The following SUPT3H variants were observed in gnomAD, a reference collection of about 807,000 sequenced individuals.
SUPT3H encodes transcription initiation protein SPT3 homolog.
SUPT3H carries 44 observed loss-of-function variants against 44.3 expected under a neutral mutation model. The observed-to-expected ratio is 0.99, with a 90% CI of 0.78 to 1.28. The LOEUF (loss-of-function observed/expected upper bound fraction) is 1.28, where lower values mean the gene tolerates loss of function less well. SUPT3H is among the 50% of genes most tolerant of loss of function. The pLI, the probability that SUPT3H is intolerant of heterozygous loss-of-function variation, is 0.00. For synonymous variants in SUPT3H, 124 were observed against 125.6 expected (o/e 0.99, Z 0.09); for missense variants, 380 against 387.1 (o/e 0.98, Z 0.15).
intron 2 of SUPT3H, among the ~76,000 whole-genome samples, chr6:45,358,870 G>A (rs1036090373): frequency 1.3e-5 from 2 of 152,056 alleles, no homozygotes; most frequent in Non-Finnish European, 2.9e-5. Flanking sequence ...TTACAGCATG[G>A]ATCTACCATC....
At chr6:44,992,849 A>G (rs1780777425) in intron 6 of SUPT3H, among the ~76,000 whole-genome samples, 1 of 152,152 alleles carries the variant, frequency 6.6e-6, no homozygotes. Context: ...GAGATTATAT[A>G]TCCAGAAATG....
intron 2 of SUPT3H, among the ~76,000 whole-genome samples, chr6:45,154,547 G>A (rs1031718522): frequency 4.6e-5 from 7 of 152,148 alleles, no homozygotes; most frequent in Non-Finnish European, 1.0e-4. Context: ...AGCTTCTAGA[G>A]ATTACCTGAG....
chr6:45,006,864 TTAGAGA>T (rs1349025656), intron 5 of SUPT3H, among the ~76,000 whole-genome samples: 2 of 152,130 alleles, frequency 1.3e-5, no homozygotes, highest in African/African-American at 4.8e-5. Context: ...TATTGTATCA[TTAGAGA>T]TAAATACTGA....
At chr6:45,279,347 T>A (rs1777552069) in intron 2 of SUPT3H, among the ~76,000 whole-genome samples, 2 of 152,156 alleles carry the variant, frequency 1.3e-5, no homozygotes, top group African/African-American at 4.8e-5. Flanking sequence ...TTTGTGTGCA[T>A]GTATGATATG....
At chr6:44,936,711 G>A (rs917357295) in intron 9 of SUPT3H, among the ~76,000 whole-genome samples, 2 of 151,982 alleles carry the variant, frequency 1.3e-5, no homozygotes, top group Non-Finnish European at 2.9e-5. Flanking sequence ...TCTGTCCCCC[G>A]GGCTGGAGTA....
chr6:44,815,802 T>C (rs930580729), intron 11 of SUPT3H, among the ~76,000 whole-genome samples: 1 of 151,986 alleles, frequency 6.6e-6, no homozygotes, highest in African/African-American at 2.4e-5. Flanking sequence ...ACAGAAGAAC[T>C]GAATAACACT....
At chr6:45,286,340 C>G (rs2149833155) in intron 2 of SUPT3H, among the ~76,000 whole-genome samples, 2 of 152,260 alleles carry the variant, frequency 1.3e-5, no homozygotes, top group Admixed American at 1.3e-4. Flanking sequence ...TTTTTGCAAT[C>G]TACTCATCTG....
At position 45,095,517 on chromosome 6, in the gene SUPT3H, T is replaced by G. The variant is rs2153565454; in HGVS notation, c.186+10405A>C. ...CACTTATAAATTTGTTCTTTATTAC[T>G]TTTCATAATTAAGGAGAATTAGCTA... On this transcript the variant is annotated intron_variant, in intron 3 of 10. Transcript: ENST00000371459. This position sits in a 1 kb window ranked among gnomAD's most constrained non-coding sequence, Gnocchi z 4.1. 6.6e-6 allele frequency among the ~76,000 whole-genome samples: 1 copy of G among 152,256 alleles called. No individual in the cohort carries two copies. Among genetic ancestry groups the G allele is most frequent in the South Asian group, 2.1e-4 (1 of 4,816 alleles).
intron 2 of SUPT3H, among the ~76,000 whole-genome samples, chr6:45,111,034 T>C (rs1266360919): frequency 3.3e-5 from 1 of 30,226 alleles, no homozygotes; most frequent in Non-Finnish European, 6.7e-5. Context: ...CAAACGATAC[T>C]TTTTTTTTTT....
At chr6:45,232,871 C>A (rs376768078) in intron 2 of SUPT3H, among the ~76,000 whole-genome samples, 1 of 152,158 alleles carries the variant, frequency 6.6e-6, no homozygotes, top group African/African-American at 2.4e-5. Flanking sequence ...GGAAAGCTAA[C>A]CCTCCAGTTC....
chr6:44,896,539 G>A (rs1474144508), intron 10 of SUPT3H, among the ~76,000 whole-genome samples: 1 of 152,140 alleles, frequency 6.6e-6, no homozygotes, highest in African/African-American at 2.4e-5. Flanking sequence ...AATCTGGTTA[G>A]TGATGGAACA....
chr6:45,302,530 TATATATATATATATATATATATATATGC>T (rs1239923107), intron 2 of SUPT3H, among the ~76,000 whole-genome samples: 8 of 41,914 alleles, frequency 1.9e-4, no homozygotes, highest in South Asian at 1.4e-3. Flanking sequence ...TATATATATA[TATATATATATATATATATATATATATGC>T]ATGCCACAAT....
At chr6:44,868,505 G>A (rs1261918983) in intron 10 of SUPT3H, among the ~76,000 whole-genome samples, 1 of 152,152 alleles carries the variant, frequency 6.6e-6, no homozygotes, top group Non-Finnish European at 1.5e-5. Flanking sequence ...TCATCTGCGA[G>A]TATATGGCTT....
At position 45,274,845 on chromosome 6, in the gene SUPT3H, T is replaced by G. The variant is rs368263115; in HGVS notation, c.101+90356A>C. Among the ~76,000 whole-genome samples the G allele has an allele frequency of 1.1e-4, 16 of 152,284 alleles. No homozygotes were observed. In the East Asian group the frequency reaches 2.5e-3, roughly 24 times the overall value. ...ACTGCAGTGAGCCAAACATGCACTGTGGCCTGGGTGACAGAGCAAAACCCT... is the reference window on the plus strand; with the variant it reads ...ACTGCAGTGAGCCAAACATGCACTGGGGCCTGGGTGACAGAGCAAAACCCT... On this transcript the variant is annotated intron_variant, in intron 2 of 10. Transcript: ENST00000371459.
rs1320522494 is a variant in SUPT3H at position 44,827,976 on chromosome 6, A to C, written c.*1840T>G. Among the ~76,000 whole-genome samples the C allele has an allele frequency of 6.6e-6, 1 of 152,150 alleles. No individual in the cohort carries two copies. The highest frequency in any genetic ancestry group is 1.9e-4 in the East Asian group (1 of 5,204). On this transcript the variant is annotated 3_prime_UTR_variant, in exon 11 of 11. Coordinates refer to ENST00000371459, the MANE Select transcript of SUPT3H (RefSeq NM_003599.4). Reference sequence around the variant, plus strand: ...ATATTTCTGAGAGAAATGTACATTGAGTCTTCCTTCTCTGGGACTATAAGG... The same window carrying C: ...ATATTTCTGAGAGAAATGTACATTGCGTCTTCCTTCTCTGGGACTATAAGG...
intron 1 of SUPT3H, 55 bp from the exon 2 acceptor site, chr6:45,365,356 CAAA>C: frequency 3.1e-6 from 3 of 955,082 alleles, no homozygotes; most frequent in South Asian, 1.8e-5. Context: ...TAAGTAAATG[CAAA>C]AAAAAAAGAA....
chr6:45,362,192 T>C (rs930799027), intron 2 of SUPT3H, among the ~76,000 whole-genome samples: 3 of 152,230 alleles, frequency 2.0e-5, no homozygotes, highest in Non-Finnish European at 4.4e-5. Context: ...CTAGATTTAA[T>C]AGCAGATCAT....
At position 44,947,688 on chromosome 6, in the gene SUPT3H, C is replaced by T. The variant is rs1459707721; in HGVS notation, c.801+5622G>A. Among the ~76,000 whole-genome samples, 4 of 151,860 alleles carry T rather than the reference C, an allele frequency of 2.6e-5. No individual in the cohort carries two copies. The East Asian group carries it at 7.7e-4, about 29-fold the overall frequency. On this transcript the variant is annotated intron_variant, in intron 9 of 10. Transcript: ENST00000371459. Reference sequence around the variant, plus strand: ...AAGACTTACATTATAATCAAATAAACACAAATGAAACTCCAAAAATAAATC... The same window carrying T: ...AAGACTTACATTATAATCAAATAAATACAAATGAAACTCCAAAAATAAATC...
chr6:45,352,122 T>C (rs1792189135), intron 2 of SUPT3H, among the ~76,000 whole-genome samples: 1 of 152,206 alleles, frequency 6.6e-6, no homozygotes, highest in African/African-American at 2.4e-5. Flanking sequence ...ACCTTTTTTA[T>C]AAGCAAAAGA....
Sources: gnomAD v4.1 joint callset for allele counts (sites outside exome capture counted in the v4.1 genomes callset) on GRCh38, gnomAD v4.1.1 for gene constraint, Gnocchi (gnomAD v3.1) non-coding constraint, MANE v1.5 for transcripts, NCBI Gene and HGNC (gene_info 2026-07-23, HGNC 2026-07-21) for gene names.